Variants in TMEM14A observed in about 807,000 individuals in gnomAD.
TMEM14A encodes the protein transmembrane protein 14A.
Under a neutral mutation model 11.6 loss-of-function variants are expected in TMEM14A, and 8 were observed. The observed-to-expected ratio is 0.69, with a 90% CI of 0.40 to 1.24. The LOEUF (loss-of-function observed/expected upper bound fraction) is 1.24, where lower values mean the gene tolerates loss of function less well. Ranked by LOEUF, TMEM14A falls within the 50% of genes most tolerant of loss-of-function variation. The pLI, the probability that TMEM14A is intolerant of heterozygous loss-of-function variation, is 0.01. For missense variants in TMEM14A, 108 were observed against 121.9 expected, an observed-to-expected ratio of 0.89 and a Z score of 0.54; for synonymous variants, 34 against 45.5, an observed-to-expected ratio of 0.75 and a Z score of 1.02.
chr6:52,684,377 T>C (rs574827513), intron 4 of TMEM14A, among the ~76,000 whole-genome samples: 1 of 152,354 alleles, frequency 6.6e-6, no homozygotes, highest in African/African-American at 2.4e-5. Flanking sequence ...GTTGCTGTAG[T>C]ATCTGGTCAC....
At chr6:52,677,013 G>A (rs13211066) in intron 1 of TMEM14A, 74 bp from the exon 2 acceptor site, 1,044,330 of 1,350,046 alleles carry the variant, frequency 0.77, 411,845 homozygotes, top group Non-Finnish European at 0.81. Flanking sequence ...CCATATAAGC[G>A]TATCATTTTT....
At chr6:52,680,336 GAAA>G (rs1769341039) in intron 2 of TMEM14A, among the ~76,000 whole-genome samples, 1 of 151,674 alleles carries the variant, frequency 6.6e-6, no homozygotes, top group South Asian at 2.1e-4. Context: ...CAGTATGTCT[GAAA>G]GCCATGACGA....
chr6:52,672,201 G>A (rs1297975775), intron 1 of TMEM14A, among the ~76,000 whole-genome samples: 1 of 152,108 alleles, frequency 6.6e-6, no homozygotes, highest in African/African-American at 2.4e-5. Context: ...TGCATGGCAG[G>A]GTTCTTGGTG....
chr6:52,680,585 TTATATATTTATA>T (rs1310579316), intron 2 of TMEM14A, among the ~76,000 whole-genome samples: 1 of 33,264 alleles, frequency 3.0e-5, no homozygotes, highest in African/African-American at 7.0e-5. Flanking sequence ...CACTATATAT[TTATATATTTATA>T]TATATATATA....
intron 3 of TMEM14A, among the ~76,000 whole-genome samples, chr6:52,683,707 GTT>G (rs1201976377): frequency 6.6e-6 from 1 of 151,594 alleles, no homozygotes; most frequent in African/African-American, 2.4e-5. Context: ...TGCCTCCCCG[GTT>G]CAAGCAATTC....
chr6:52,680,149 G>T (rs1769336982), intron 2 of TMEM14A, among the ~76,000 whole-genome samples: 1 of 152,010 alleles, frequency 6.6e-6, no homozygotes, highest in South Asian at 2.1e-4. Flanking sequence ...AGTAAGGGCA[G>T]ACTGACATTC....
intron 1 of TMEM14A, among the ~76,000 whole-genome samples, chr6:52,674,572 C>G (rs1440352989): frequency 6.6e-6 from 1 of 152,080 alleles, no homozygotes; most frequent in Non-Finnish European, 1.5e-5. Flanking sequence ...CCTAGAATGC[C>G]TTAGAATGGC....
At chr6:52,680,600 T>TACACAC (rs1376193410) in intron 2 of TMEM14A, among the ~76,000 whole-genome samples, 30 of 128,806 alleles carry the variant, frequency 2.3e-4, no homozygotes, top group African/African-American at 7.6e-4. Flanking sequence ...TATTTATATA[T>TACACAC]ATATATATAT....
intron 1 of TMEM14A, among the ~76,000 whole-genome samples, chr6:52,675,306 A>G (rs1769236537): frequency 6.6e-6 from 1 of 152,262 alleles, no homozygotes; most frequent in Non-Finnish European, 1.5e-5. Context: ...ACCATTCCTC[A>G]CATTTACAAA....
chr6:52,671,304 A>G (rs981446396), intron 1 of TMEM14A, 59 bp downstream of exon 1: 2 of 152,296 alleles, frequency 1.3e-5, no homozygotes, highest in Non-Finnish European at 2.9e-5. Context: ...ACAAAACTGC[A>G]GAAATATAAG....
At chr6:52,675,335 G>T (rs1769236872) in intron 1 of TMEM14A, among the ~76,000 whole-genome samples, 1 of 152,194 alleles carries the variant, frequency 6.6e-6, no homozygotes, top group Admixed American at 6.5e-5. Context: ...CCTTCCCTGT[G>T]GAAGAAATAT....
chr6:52,686,062 A>G lies in TMEM14A; in HGVS notation c.*13A>G, dbSNP rs145113706. ...GTTGCTGCTCTGAGCATCTGGAGGAACAGAAAACTAAGTTCATGTCATCCT... is the reference window on the plus strand; with the variant it reads ...GTTGCTGCTCTGAGCATCTGGAGGAGCAGAAAACTAAGTTCATGTCATCCT... On this transcript the variant is annotated 3_prime_UTR_variant, in exon 5 of 5. Transcript: ENST00000211314. The G allele has an allele frequency of 3.9e-4, 623 of 1,610,062 alleles. 1 individual carries two copies. In the African/African-American group the frequency reaches 7.8e-3, roughly 20 times the overall value.
chr6:52,671,396 G>A (rs1462319708), intron 1 of TMEM14A, among the ~76,000 whole-genome samples, 151 bp downstream of exon 1: 1 of 152,168 alleles, frequency 6.6e-6, no homozygotes, highest in East Asian at 1.9e-4. Context: ...AGGGGATTTT[G>A]CAGGGCATCG....
At chr6:52,681,946 C>T (rs1769399342) in intron 3 of TMEM14A, 32 bp downstream of exon 3, 2 of 1,572,634 alleles carry the variant, frequency 1.3e-6, no homozygotes, top group Admixed American at 3.4e-5. Flanking sequence ...GTTACAGAGA[C>T]TCAAACATTG....
intron 2 of TMEM14A, among the ~76,000 whole-genome samples, chr6:52,679,097 C>A (rs1315409985): frequency 6.6e-6 from 1 of 152,158 alleles, no homozygotes; most frequent in Non-Finnish European, 1.5e-5. Context: ...GTATCCAAAT[C>A]CTAAACTAGA....
intron 4 of TMEM14A, 68 bp from the exon 5 acceptor site, chr6:52,685,942 A>C (rs1289795674): frequency 6.6e-7 from 1 of 1,511,962 alleles, no homozygotes; most frequent in Non-Finnish European, 9.1e-7. Context: ...AGGCGAGTGC[A>C]TGGCCCTTTC....
At chr6:52,680,317 C>A (rs1194422936) in intron 2 of TMEM14A, among the ~76,000 whole-genome samples, 1 of 151,504 alleles carries the variant, frequency 6.6e-6, no homozygotes, top group Admixed American at 6.6e-5. Flanking sequence ...AAGCAGTCTG[C>A]ACAAGGAACA....
intron 2 of TMEM14A, among the ~76,000 whole-genome samples, chr6:52,678,051 A>G (rs534265634): frequency 2.0e-5 from 3 of 152,120 alleles, no homozygotes; most frequent in Admixed American, 6.6e-5. Context: ...TAATGTATGT[A>G]TTAGAGATGT....
Position 52,671,153 on chromosome 6 carries a change from C to T in TMEM14A, c.-109C>T, listed in dbSNP as rs144495480. The T allele has an allele frequency of 1.5e-3, 234 of 152,422 alleles. 2 individuals are homozygous for T. The highest frequency in any genetic ancestry group is 2.3e-3 in the Non-Finnish European group (158 of 68,074). 9.4% of individuals were successfully genotyped at this position (152,422 alleles called of 1,614,324 possible). ...GGCGCCGAGTGGGACAGCGCTGGTG[C>T]GGAGACTGCTTCCGGACTCCAGGTA... On this transcript the variant is annotated 5_prime_UTR_variant, in exon 1 of 5. Coordinates refer to ENST00000211314, the MANE Select transcript of TMEM14A (RefSeq NM_014051.4).
Sources: allele counts gnomAD v4.1 joint callset (sites outside exome capture counted in the v4.1 genomes callset), GRCh38; gene constraint gnomAD v4.1.1; transcripts MANE v1.5; gene names NCBI Gene and HGNC (gene_info 2026-07-23, HGNC 2026-07-21).